MON2: variants seen among roughly 807,000 people sequenced by gnomAD.
MON2 encodes protein MON2 homolog.
In MON2, 84 loss-of-function variants were observed where a neutral mutation model predicts 208.6. The observed-to-expected ratio is 0.40, with a 90% CI of 0.34 to 0.48. The LOEUF is 0.48. Ranked by LOEUF, MON2 falls within the 20% of genes least tolerant of loss-of-function variation. MON2 has a pLI of 0.59. For synonymous variants in MON2, 660 were observed against 694.0 expected (o/e 0.95, Z 0.77); for missense variants, 1,611 against 2,015.4 (o/e 0.80, Z 3.84).
Position 62,525,140 on chromosome 12 carries a change from T to C in MON2, c.1166T>C (p.Ile389Thr), listed in dbSNP as rs1469678703. ...CATTCTACCAAGGTTTTTCGTGATATTGTAAATGCACTGGGATCTTTTATA... is the reference window on the plus strand; with the variant it reads ...CATTCTACCAAGGTTTTTCGTGATACTGTAAATGCACTGGGATCTTTTATA... ...KQHSTKVFRDIVNALGSFIQS... is the reference protein window; with the variant it reads ...KQHSTKVFRDTVNALGSFIQS... Residue 389 changes from isoleucine to threonine, a missense_variant, in exon 10 of 35, where the codon ATT becomes ACT. Coordinates refer to ENST00000393630, the MANE Select transcript of MON2 (RefSeq NM_015026.3). 2.5e-6 allele frequency: 4 copies of C among 1,612,020 alleles called. No homozygotes were observed. The highest frequency in any genetic ancestry group is 1.7e-5 in the Admixed American group (1 of 59,986).
intron 20 of MON2, 135 bp from the exon 21 acceptor site, chr12:62,544,763 C>T (rs1364432782): frequency 3.9e-6 from 6 of 1,534,426 alleles, no homozygotes; most frequent in Non-Finnish European, 5.3e-6. Context: ...TGCCCTTATT[C>T]AGAAGGTAAG....
At chr12:62,560,383 T>G in intron 25 of MON2, 108 bp from the exon 26 acceptor site, 4 of 1,108,342 alleles carry the variant, frequency 3.6e-6, no homozygotes, top group Non-Finnish European at 5.1e-6. Context: ...TCCAGTTCTG[T>G]AGGATTTTAA....
At chr12:62,535,770 A>T (rs1449142204) in intron 14 of MON2, 61 bp downstream of exon 14, 2 of 1,279,900 alleles carry the variant, frequency 1.6e-6, no homozygotes, top group Non-Finnish European at 2.1e-6. Context: ...TAGACAGAAG[A>T]TTATAAACAT....
In MON2 at chr12:62,599,918, T is replaced by C. The variant is rs1565732413; in HGVS notation, c.*7169T>C. On this transcript the variant is annotated 3_prime_UTR_variant, in exon 35 of 35. Coordinates refer to ENST00000393630, the MANE Select transcript of MON2 (RefSeq NM_015026.3). ...ATGACCTTGAAAGTTGCATTGGGTT[T>C]TTATTATTGGTCCAGGTTTAAAACA... 1 of 152,210 alleles carries C rather than the reference T, an allele frequency of 6.6e-6. No homozygotes were observed. Among genetic ancestry groups the C allele is most frequent in the African/African-American group, 2.4e-5 (1 of 41,448 alleles). 9.4% of individuals were successfully genotyped at this position (152,210 alleles called of 1,614,324 possible). A position where few individuals can be genotyped will look rare whatever the true frequency, so the allele number is the denominator to read the frequency against.
chr12:62,466,919 G>T lies in MON2; in HGVS notation c.-289G>T, dbSNP rs922868813. 10 of 498,784 alleles carry T rather than the reference G, an allele frequency of 2.0e-5. No individual in the cohort carries two copies. Among genetic ancestry groups the T allele is most frequent in the Non-Finnish European group, 3.2e-5 (9 of 282,264 alleles). The allele number at this position is 498,784 out of a possible 1,614,324, so 30.9% of individuals were successfully genotyped here. ...GGCTGGTGACACCCGGTGTGGCTGG[G>T]CCCCGCGGCAGCGGAGGGACCTGCC... On this transcript the variant is annotated 5_prime_UTR_variant, in exon 1 of 35. Transcript: ENST00000393630.
intron 24 of MON2, among the ~76,000 whole-genome samples, chr12:62,554,050 T>A (rs990100630): frequency 2.0e-5 from 3 of 152,198 alleles, no homozygotes; most frequent in African/African-American, 7.2e-5. Context: ...CCTTCTGTCT[T>A]GTATTTCAGT....
intron 34 of MON2, 143 bp from the exon 35 acceptor site, chr12:62,592,443 A>G (rs1243696440): frequency 4.8e-6 from 3 of 621,536 alleles, no homozygotes; most frequent in Non-Finnish European, 7.4e-6. Flanking sequence ...TGAAAAATTA[A>G]AAAGATAAAA....
chr12:62,468,956 T>C (rs573603747), intron 1 of MON2, among the ~76,000 whole-genome samples: 2 of 152,260 alleles, frequency 1.3e-5, no homozygotes, highest in Admixed American at 1.3e-4. Context: ...TTTTTTGTTT[T>C]GTTTTTTGAT....
chr12:62,538,562 A>G, intron 19 of MON2, 57 bp downstream of exon 19: 1 of 1,126,470 alleles, frequency 8.9e-7, no homozygotes, highest in South Asian at 1.3e-5. Context: ...TAAGATGTAC[A>G]TCCATTATGA....
At chr12:62,582,413 A>G (rs1356455401) in intron 32 of MON2, among the ~76,000 whole-genome samples, 1 of 152,212 alleles carries the variant, frequency 6.6e-6, no homozygotes, top group Admixed American at 6.5e-5. Context: ...CACCACCACA[A>G]CAATGCTCCT....
intron 25 of MON2, among the ~76,000 whole-genome samples, chr12:62,557,036 C>T (rs2136326714): frequency 6.6e-6 from 1 of 151,492 alleles, no homozygotes; most frequent in African/African-American, 2.4e-5. Context: ...TGCAGTTAGC[C>T]AAGATCGTGC....
rs188246796 is a variant in MON2, at chr12:62,531,292, C to G, written c.1401-1146C>G. Reference sequence around the variant, plus strand: ...GGTGTTATATCTAACAAACCTTTGCCTAATCCGAGGTAGTGAAGATTTTTA... The same window carrying G: ...GGTGTTATATCTAACAAACCTTTGCGTAATCCGAGGTAGTGAAGATTTTTA... On this transcript the variant is annotated intron_variant, in intron 11 of 34. Transcript: ENST00000393630. 2.8e-4 allele frequency among the ~76,000 whole-genome samples: 43 copies of G among 152,122 alleles called. No individual in the cohort carries two copies. In the East Asian group the frequency reaches 4.3e-3, roughly 15 times the overall value.
In MON2 at chr12:62,532,679, C is replaced by T. The variant is rs747680645; in HGVS notation, c.1633+9C>T. On this transcript the variant is annotated intron_variant, in intron 12 of 34. Coordinates refer to ENST00000393630, the MANE Select transcript of MON2 (RefSeq NM_015026.3). Reference sequence around the variant, plus strand: ...AATGGATAAGGAAATTGGTATGAGTCTGTATTTTTAATTTTTATTGGAAAT... The same window carrying T: ...AATGGATAAGGAAATTGGTATGAGTTTGTATTTTTAATTTTTATTGGAAAT... 6 of 1,571,072 alleles carry T rather than the reference C, an allele frequency of 3.8e-6. No homozygotes were observed. The highest frequency in any genetic ancestry group is 1.7e-4 in the Middle Eastern group (1 of 5,936).
chr12:62,494,177 T>G, intron 3 of MON2, 135 bp downstream of exon 3: 1 of 797,312 alleles, frequency 1.3e-6, no homozygotes, highest in Non-Finnish European at 1.8e-6. Context: ...TGGCTTTATT[T>G]AAAAATATTG....
At chr12:62,561,960 T>C (rs533559472) in intron 26 of MON2, among the ~76,000 whole-genome samples, 5 of 152,240 alleles carry the variant, frequency 3.3e-5, no homozygotes, top group South Asian at 2.1e-4. Context: ...CTTAATTACC[T>C]CTGGAAGAAG....
At chr12:62,548,773 T>C (rs1180844314) in intron 22 of MON2, among the ~76,000 whole-genome samples, 1 of 152,192 alleles carries the variant, frequency 6.6e-6, no homozygotes, top group Non-Finnish European at 1.5e-5. Flanking sequence ...TTAGCAATTA[T>C]ACTTATCATT....
chr12:62,567,156 CCTTGTT>C (rs2074414548), intron 29 of MON2, among the ~76,000 whole-genome samples: 1 of 152,190 alleles, frequency 6.6e-6, no homozygotes, highest in Admixed American at 6.5e-5. Context: ...TAGCCCTAAA[CCTTGTT>C]CTTCCTCTAG....
Position 62,560,967 on chromosome 12 carries a change from T to G in MON2, c.3886T>G (p.Leu1296Val), listed in dbSNP as rs759613630. The G allele has an allele frequency of 1.2e-6, 2 of 1,614,032 alleles. No individual in the cohort carries two copies. The highest frequency in any genetic ancestry group is 2.2e-5 in the East Asian group (1 of 44,868). The change falls in exon 26 of 35, where the codon TTG (leucine) becomes GTG (valine). Residue 1296 changes from leucine to valine, a missense_variant. Physicochemically the swap from Leu to Val is conservative, Grantham distance 32. Coordinates refer to ENST00000393630, the MANE Select transcript of MON2 (RefSeq NM_015026.3). ...HIKTGFNMDD[L>V]QKLGVILHSA... ...AAAAACTGGTTTCAATATGGATGAC[T>G]TGCAAAAGTTGGGAGTCATATTGCA... is the stretch of plus-strand genomic sequence containing the variant.
At chr12:62,507,837 C>T (rs1420148836) in intron 7 of MON2, among the ~76,000 whole-genome samples, 3 of 152,116 alleles carry the variant, frequency 2.0e-5, no homozygotes, top group Non-Finnish European at 2.9e-5. Context: ...GGCATGATCA[C>T]GGCTAACTGC....
Sources: allele counts gnomAD v4.1 joint callset (sites outside exome capture counted in the v4.1 genomes callset), GRCh38; gene constraint gnomAD v4.1.1; transcripts MANE v1.5; gene names NCBI Gene and HGNC (gene_info 2026-07-23, HGNC 2026-07-21).